Variants in OR7D2 observed in about 807,000 individuals in gnomAD.
OR7D2 encodes olfactory receptor 7D2.
For missense variants in OR7D2, 370 were observed against 384.1 expected, an observed-to-expected ratio of 0.96 and a Z score of 0.31; for synonymous variants, 158 against 158.7, an observed-to-expected ratio of 1.00 and a Z score of 0.03.
chr19:9,184,033 T>C (rs1238379403), intron 2 of OR7D2, among the ~76,000 whole-genome samples: 1 of 143,768 alleles, frequency 7.0e-6, no homozygotes, highest in Non-Finnish European at 1.5e-5. Context: ...GGGAACCCCT[T>C]GTGCCCTGTC....
chr19:9,182,787 C>T (rs1599210131), intron 2 of OR7D2: 1 of 178,558 alleles, frequency 5.6e-6, no homozygotes, highest in South Asian at 1.4e-4. Context: ...TCCCAAAGTG[C>T]TGGGATTACA....
rs1454304394 is a variant in OR7D2 at position 9,186,629 on chromosome 19, C to G, written c.848C>G (p.Pro283Arg). Residue 283 changes from proline (P) to arginine (R), a missense_variant, in exon 3 of 3, where the codon CCC becomes CGC. Coordinates refer to ENST00000641288, the MANE Select transcript of OR7D2 (RefSeq NM_175883.4). The part of the protein sequence containing the change: ...VASVMYTVVT[P>R]MLNPFIYSLR... The stretch of plus-strand genomic sequence containing the variant: ...TCGGTGATGTACACTGTGGTCACCC[C>G]CATGTTGAACCCCTTCATCTACAGC... 9 of 1,613,912 alleles carry G rather than the reference C, an allele frequency of 5.6e-6. No individual in the cohort carries two copies. In the African/African-American group the frequency reaches 1.2e-4, roughly 22 times the overall value.
In OR7D2 at chr19:9,185,950, A is replaced by AC. The variant is rs1354603055; in HGVS notation, c.174dup (p.Met59HisfsTer12). 3 of 1,612,496 alleles carry AC rather than the reference A, an allele frequency of 1.9e-6. No individual in the cohort carries two copies. Among genetic ancestry groups the AC allele is most frequent in the Non-Finnish European group, 1.7e-6 (2 of 1,179,038 alleles). On this transcript the variant is annotated frameshift_variant, in exon 3 of 3. Transcript: ENST00000641288. LOFTEE classifies it low-confidence loss of function (END_TRUNC). The stretch of plus-strand genomic sequence containing the variant: ...CATCAGCTCTGACTCCCACCTCCAC[A>AC]CCCCCATGTACTTCTTCCTCTCCAA...
Position 9,186,433 on chromosome 19 carries a change from T to G in OR7D2, c.652T>G (p.Tyr218Asp), listed in dbSNP as rs760477462. ...VFPLLGIIFS[Y>D]SRIASSIRKM... ...TCCCCTCCTTGGGATCATTTTCTCT[T>G]ATTCACGAATTGCTTCATCCATAAG... is the stretch of plus-strand genomic sequence containing the variant. Residue 218 changes from tyrosine to aspartate, a missense_variant, in exon 3 of 3, where the codon TAT becomes GAT. Physicochemically the swap from Tyr to Asp is radical, Grantham distance 160. Transcript: ENST00000641288. 1 of 1,614,202 alleles carries G rather than the reference T, an allele frequency of 6.2e-7. No homozygotes were observed. Among genetic ancestry groups the G allele is most frequent in the South Asian group, 1.1e-5 (1 of 91,080 alleles).
chr19:9,186,083 T>C lies in OR7D2; in HGVS notation c.302T>C (p.Val101Ala). 1 of 1,613,602 alleles carries C rather than the reference T, an allele frequency of 6.2e-7. No individual in the cohort carries two copies. Among genetic ancestry groups the C allele is most frequent in the Non-Finnish European group, 8.5e-7 (1 of 1,179,888 alleles). The change falls in exon 3 of 3, where the codon GTC becomes GCC. Residue 101 changes from valine to alanine, a missense_variant. Physicochemically the swap from Val to Ala is moderately conservative, Grantham distance 64. Transcript: ENST00000641288. ...TCCTACATGGACTGCCTCACACAGGTCTATTTCTCCATGTTTTTTCCTATT... is the reference window on the plus strand; with the variant it reads ...TCCTACATGGACTGCCTCACACAGGCCTATTTCTCCATGTTTTTTCCTATT... ...AISYMDCLTQ[V>A]YFSMFFPILD... is the part of the protein sequence containing the mutation.
At chr19:9,183,487 G>T (rs1362994696) in intron 2 of OR7D2, among the ~76,000 whole-genome samples, 1 of 151,536 alleles carries the variant, frequency 6.6e-6, no homozygotes, top group African/African-American at 2.4e-5. Flanking sequence ...TGTGTTGTTC[G>T]GGCTGGTCTT....
intron 1 of OR7D2, among the ~76,000 whole-genome samples, chr19:9,179,849 C>CA (rs1255821790): frequency 2.7e-5 from 4 of 150,882 alleles, no homozygotes; most frequent in Non-Finnish European, 5.9e-5. Flanking sequence ...ACTAAAAATA[C>CA]AAAATTAGCC....
chr19:9,181,727 C>G (rs1397263193), intron 2 of OR7D2, among the ~76,000 whole-genome samples: 1 of 152,096 alleles, frequency 6.6e-6, no homozygotes, highest in Admixed American at 6.6e-5. Flanking sequence ...GCTGGGATCC[C>G]AAGTGTAAGC....
chr19:9,186,382 T>A lies in OR7D2; in HGVS notation c.601T>A (p.Phe201Ile). Reference sequence around the variant, plus strand: ...CTTCCTGAACAGCACGTTGATATACTTTATGACGGGTGTGCTGGGCGTTTT... The same window carrying A: ...CTTCCTGAACAGCACGTTGATATACATTATGACGGGTGTGCTGGGCGTTTT... Reference protein sequence around the residue: ...DTFLNSTLIYFMTGVLGVFPL... With the variant: ...DTFLNSTLIYIMTGVLGVFPL... The change falls in exon 3 of 3, where the codon TTT (phenylalanine) becomes ATT (isoleucine). Residue 201 changes from phenylalanine to isoleucine, a missense_variant. Coordinates refer to ENST00000641288, the MANE Select transcript of OR7D2 (RefSeq NM_175883.4). 1 of 1,614,150 alleles carries A rather than the reference T, an allele frequency of 6.2e-7. No homozygotes were observed. Among genetic ancestry groups the A allele is most frequent in the South Asian group, 1.1e-5 (1 of 91,058 alleles).
In OR7D2 at chr19:9,180,200, CTT is replaced by C. The variant is rs145692213; in HGVS notation, c.-104-486_-104-485del. On this transcript the variant is annotated intron_variant, in intron 1 of 2. Coordinates refer to ENST00000641288, the MANE Select transcript of OR7D2 (RefSeq NM_175883.4). The stretch of plus-strand genomic sequence containing the variant: ...TTGTAATTAATTGTGTTTAAGTTGA[CTT>C]TTTTTTTTTTTGAGACAGGGTCTTT... Among the ~76,000 whole-genome samples, 226 of 145,816 alleles carry C rather than the reference CTT, an allele frequency of 1.5e-3. 2 individuals are homozygous for C. The highest frequency in any genetic ancestry group is 4.6e-3 in the African/African-American group (185 of 39,792).
intron 2 of OR7D2, among the ~76,000 whole-genome samples, chr19:9,183,359 C>T (rs1166933061): frequency 6.6e-6 from 1 of 152,144 alleles, no homozygotes; most frequent in South Asian, 2.1e-4. Context: ...ACTGCATCCT[C>T]GAACACTGTG....
At chr19:9,183,220 T>C (rs1424628199) in intron 2 of OR7D2, among the ~76,000 whole-genome samples, 1 of 152,068 alleles carries the variant, frequency 6.6e-6, no homozygotes, top group African/African-American at 2.4e-5. Context: ...TCCGGGGCAG[T>C]GGAAAGAATT....
In OR7D2 at chr19:9,186,293, A is replaced by G. The variant is rs762465782; in HGVS notation, c.512A>G (p.Asp171Gly). The change falls in exon 3 of 3, where the codon GAT becomes GGT. Residue 171 changes from aspartate to glycine, a missense_variant. Asp to Gly is a moderately conservative substitution (Grantham distance 94). Coordinates refer to ENST00000641288, the MANE Select transcript of OR7D2 (RefSeq NM_175883.4). ...ATGATGCATCTAATCTTCTGTAAAG[A>G]TTTTGAAATTCCACATTTTTTCTGC... ...SLMMHLIFCK[D>G]FEIPHFFCEL... 2.5e-6 allele frequency: 4 copies of G among 1,614,014 alleles called. No individual in the cohort carries two copies. The highest frequency in any genetic ancestry group is 2.2e-5 in the South Asian group (2 of 91,088).
chr19:9,187,013 G>T lies in OR7D2; in HGVS notation c.*293G>T. On this transcript the variant is annotated 3_prime_UTR_variant, in exon 3 of 3. Coordinates refer to ENST00000641288, the MANE Select transcript of OR7D2 (RefSeq NM_175883.4). Reference sequence around the variant, plus strand: ...GGCTCACTGCAACCTCCGCCTCCCGGGTTCAAGTGATTCTTCTGTCTCAGC... The same window carrying T: ...GGCTCACTGCAACCTCCGCCTCCCGTGTTCAAGTGATTCTTCTGTCTCAGC... 1 of 212,146 alleles carries T rather than the reference G, an allele frequency of 4.7e-6. No individual in the cohort carries two copies. 13.1% of individuals were successfully genotyped at this position (212,146 alleles called of 1,614,324 possible).
chr19:9,179,099 C>G lies in OR7D2; in HGVS notation c.-129C>G, dbSNP rs1000216714. The G allele has an allele frequency of 1.5e-5, 2 of 131,654 alleles. No homozygotes were observed. Among genetic ancestry groups the G allele is most frequent in the Admixed American group, 1.5e-4 (2 of 13,760 alleles). 8.2% of individuals were successfully genotyped at this position (131,654 alleles called of 1,614,324 possible). On this transcript the variant is annotated 5_prime_UTR_variant, in exon 1 of 3. Coordinates refer to ENST00000641288, the MANE Select transcript of OR7D2 (RefSeq NM_175883.4). ...ACAGTCAGGGGAGGAAGACGTCATACCAGCATTTTTTTTTTTCAAGCAATG... is the reference window on the plus strand; with the variant it reads ...ACAGTCAGGGGAGGAAGACGTCATAGCAGCATTTTTTTTTTTCAAGCAATG...
Position 9,188,554 on chromosome 19 carries a change from T to C in OR7D2, c.*1834T>C, listed in dbSNP as rs2051056361. ...AATTTCCTTGATGGCACTTCTGTCC[T>C]ATGTGCTATTCAAAAATTGTGTCCT... On this transcript the variant is annotated 3_prime_UTR_variant, in exon 3 of 3. Coordinates refer to ENST00000641288, the MANE Select transcript of OR7D2 (RefSeq NM_175883.4). 6.0e-6 allele frequency: 1 copy of C among 167,142 alleles called. No homozygotes were observed. Among genetic ancestry groups the C allele is most frequent in the African/African-American group, 2.4e-5 (1 of 41,464 alleles). The allele number at this position is 167,142 out of a possible 1,614,324, so 10.4% of individuals were successfully genotyped here. A position where few individuals can be genotyped will look rare whatever the true frequency, so the allele number is the denominator to read the frequency against.
rs2051052273 is a variant in OR7D2 at position 9,188,106 on chromosome 19, T to C, written c.*1386T>C. On this transcript the variant is annotated 3_prime_UTR_variant, in exon 3 of 3. Transcript: ENST00000641288. ...CTTTTAGTTCTTTTTTTTGTTTTTT[T>C]TTTAAGACAGAGTCTCACTCTGTTG... is the stretch of plus-strand genomic sequence containing the variant. The C allele has an allele frequency of 1.3e-5, 2 of 154,092 alleles. No homozygotes were observed. Among genetic ancestry groups the C allele is most frequent in the Non-Finnish European group, 1.5e-5 (1 of 68,044 alleles). The allele number at this position is 154,092 out of a possible 1,614,324, so 9.5% of individuals were successfully genotyped here.
At position 9,185,805 on chromosome 19, in the gene OR7D2, A is replaced by G; in HGVS notation, c.24A>G (p.Gly8=). The part of the protein sequence containing the change: MEAGNQT[G]FLEFILLGLS... ...ACATGGAAGCAGGAAACCAAACAGG[A>G]TTTTTAGAGTTTATCCTTCTCGGAC... Residue 8 remains glycine (G), a synonymous_variant, in exon 3 of 3, where the codon GGA becomes GGG. Coordinates refer to ENST00000641288, the MANE Select transcript of OR7D2 (RefSeq NM_175883.4). 1 of 1,584,338 alleles carries G rather than the reference A, an allele frequency of 6.3e-7. No homozygotes were observed. The highest frequency in any genetic ancestry group is 8.6e-7 in the Non-Finnish European group (1 of 1,166,144).
intron 1 of OR7D2, among the ~76,000 whole-genome samples, 154 bp from the exon 2 acceptor site, chr19:9,180,544 A>T: frequency 6.6e-6 from 1 of 152,208 alleles, no homozygotes; most frequent in Non-Finnish European, 1.5e-5. Context: ...CTTAGGATAA[A>T]TATTCATTAG....
Sources: allele counts gnomAD v4.1 joint callset (sites outside exome capture counted in the v4.1 genomes callset), GRCh38; gene constraint gnomAD v4.1.1; transcripts MANE v1.5; gene names NCBI Gene and HGNC (gene_info 2026-07-23, HGNC 2026-07-21).